The following USH2A variants were observed in gnomAD, a reference collection of about 807,000 sequenced individuals.
USH2A encodes usherin.
USH2A carries 443 observed loss-of-function variants against 538.9 expected under a neutral mutation model. That is an observed-to-expected ratio of 0.82 (90% CI 0.76 to 0.89). The LOEUF is 0.89. USH2A is among the 40% of genes least tolerant of loss of function. The pLI, the probability that USH2A is intolerant of heterozygous loss-of-function variation, is 0.00. For missense variants in USH2A, 6,633 were observed against 6,324.8 expected (o/e 1.05, Z -1.65); for synonymous variants, 2,413 against 2,273.5 (o/e 1.06, Z -1.75).
intron 67 of USH2A, among the ~76,000 whole-genome samples, chr1:215,643,004 T>C (rs1160715140): frequency 6.6e-6 from 1 of 152,186 alleles, no homozygotes; most frequent in Non-Finnish European, 1.5e-5. Context: ...ATTATTATGG[T>C]TACTATTTTG....
intron 21 of USH2A, among the ~76,000 whole-genome samples, chr1:216,122,590 C>G (rs1339700846): frequency 6.6e-6 from 1 of 152,066 alleles, no homozygotes; most frequent in African/African-American, 2.4e-5. Context: ...TCACCAGAAC[C>G]AAGAGAGAAA....
intron 58 of USH2A, among the ~76,000 whole-genome samples, chr1:215,757,865 T>G (rs1660859081): frequency 6.6e-6 from 1 of 152,204 alleles, no homozygotes; most frequent in African/African-American, 2.4e-5. Context: ...AACAACTGTC[T>G]TTCCAAACTC....
intron 46 of USH2A, among the ~76,000 whole-genome samples, 162 bp from the exon 47 acceptor site, chr1:215,838,265 A>T (rs1309491571): frequency 6.6e-6 from 1 of 152,236 alleles, no homozygotes. Context: ...CTGACTCCAA[A>T]GGAATGAGCT....
intron 61 of USH2A, among the ~76,000 whole-genome samples, chr1:215,709,120 A>G (rs1558063740): frequency 6.6e-6 from 1 of 152,174 alleles, no homozygotes; most frequent in Non-Finnish European, 1.5e-5. Flanking sequence ...AGAAGTGTCA[A>G]CAAAATTTTG....
At chr1:215,669,908 T>C (rs1027635601) in intron 64 of USH2A, among the ~76,000 whole-genome samples, 6 of 152,212 alleles carry the variant, frequency 3.9e-5, no homozygotes, top group Non-Finnish European at 8.8e-5. Context: ...TAGTATTTCA[T>C]GTTATAATAA....
intron 37 of USH2A, among the ~76,000 whole-genome samples, chr1:215,945,736 G>A (rs1666744763): frequency 6.6e-6 from 1 of 152,036 alleles, no homozygotes; most frequent in African/African-American, 2.4e-5. Flanking sequence ...AAAATATTCA[G>A]TTCTTTGGGG....
chr1:216,199,592 G>T, intron 17 of USH2A, 35 bp downstream of exon 17: 2 of 1,613,036 alleles, frequency 1.2e-6, no homozygotes, highest in South Asian at 2.2e-5. Context: ...TTCATGTCTT[G>T]ACCAAAAAGG....
chr1:215,624,413 GT>G lies in USH2A; in HGVS notation c.*1367del, dbSNP rs1655922569. 1 of 152,080 alleles carries G rather than the reference GT, an allele frequency of 6.6e-6. No homozygotes were observed. Among genetic ancestry groups the G allele is most frequent in the South Asian group, 2.1e-4 (1 of 4,834 alleles). 9.4% of individuals were successfully genotyped at this position (152,080 alleles called of 1,614,324 possible). A position where few individuals can be genotyped will look rare whatever the true frequency, so the allele number is the denominator to read the frequency against. ...AGTAAGACTATCCCTTACTTTACAAGTTTTTGCCTGTCTCTGGTTGTAGATT... is the reference window on the plus strand; with the variant it reads ...AGTAAGACTATCCCTTACTTTACAAGTTTTGCCTGTCTCTGGTTGTAGATT... On this transcript the variant is annotated 3_prime_UTR_variant, in exon 72 of 72. Coordinates refer to ENST00000307340, the MANE Select transcript of USH2A (RefSeq NM_206933.4).
intron 48 of USH2A, among the ~76,000 whole-genome samples, chr1:215,815,696 C>T (rs1327271089): frequency 2.3e-4 from 35 of 151,958 alleles, no homozygotes; most frequent in Admixed American, 2.3e-3. Context: ...TTTCTTCACC[C>T]TATCTCAGGT....
Position 215,759,770 on chromosome 1 carries a change from CT to C in USH2A, c.11120del (p.Lys3707SerfsTer11). On this transcript the variant is annotated frameshift_variant, in exon 57 of 72. Coordinates refer to ENST00000307340, the MANE Select transcript of USH2A (RefSeq NM_206933.4). LOFTEE classifies it high-confidence loss of function. ...GATATTGAGAAACGAGGCCATTGGGCTTTTCTGGCAGACTCCAATATAATTC... is the reference window on the plus strand; with the variant it reads ...GATATTGAGAAACGAGGCCATTGGGCTTTCTGGCAGACTCCAATATAATTC... The part of the protein sequence containing the change: ...TVELYWSLPE[K>X]PNGLVSQYQL... 6.2e-7 allele frequency: 1 copy of C among 1,614,032 alleles called. No homozygotes were observed. The highest frequency in any genetic ancestry group is 8.5e-7 in the Non-Finnish European group (1 of 1,179,964).
chr1:216,285,912 G>T (rs2036874073), intron 11 of USH2A, among the ~76,000 whole-genome samples: 1 of 152,224 alleles, frequency 6.6e-6, no homozygotes, highest in African/African-American at 2.4e-5. Flanking sequence ...TATTTGGAAT[G>T]TGTGTAGTTA....
intron 3 of USH2A, among the ~76,000 whole-genome samples, chr1:216,410,152 C>T (rs543796564): frequency 4.8e-5 from 7 of 144,642 alleles, no homozygotes; most frequent in Admixed American, 4.0e-4. Context: ...ATGAAAGATA[C>T]CATCTCACAT....
intron 38 of USH2A, among the ~76,000 whole-genome samples, chr1:215,912,400 T>A (rs1665808159): frequency 1.3e-5 from 2 of 150,476 alleles, no homozygotes; most frequent in African/African-American, 4.9e-5. Flanking sequence ...GGGGTCTAAT[T>A]TTATTCTTTA....
chr1:216,280,685 G>T (rs2036757885), intron 11 of USH2A, among the ~76,000 whole-genome samples: 1 of 135,986 alleles, frequency 7.4e-6, no homozygotes, highest in Admixed American at 7.8e-5. Flanking sequence ...CAAGATTTTG[G>T]CATTCACATA....
chr1:216,078,505 A>G, intron 26 of USH2A, 143 bp from the exon 27 acceptor site: 1 of 758,488 alleles, frequency 1.3e-6, no homozygotes. Flanking sequence ...CTCTACCCTA[A>G]GTTTCTGCTT....
rs892134335 is a variant in USH2A, at chr1:216,338,098, T to C, written c.785-10444A>G. 2.3e-4 allele frequency among the ~76,000 whole-genome samples: 35 copies of C among 151,602 alleles called. 1 individual carries two copies. The highest frequency in any genetic ancestry group is 1.2e-3 in the South Asian group (6 of 4,830). ...AATATAAATTATCCCTAAGCTGTTG[T>C]ATAAATTTAATTCAATTCCAATAAA... On this transcript the variant is annotated intron_variant, in intron 4 of 71. Coordinates refer to ENST00000307340, the MANE Select transcript of USH2A (RefSeq NM_206933.4).
intron 4 of USH2A, among the ~76,000 whole-genome samples, chr1:216,357,910 T>C (rs976742751): frequency 6.6e-6 from 1 of 152,142 alleles, no homozygotes; most frequent in Admixed American, 6.6e-5. Flanking sequence ...AAAATAAATC[T>C]ACAACTAAAA....
At chr1:215,831,901 T>C (rs970295562) in intron 47 of USH2A, among the ~76,000 whole-genome samples, 2 of 151,886 alleles carry the variant, frequency 1.3e-5, no homozygotes, top group Non-Finnish European at 2.9e-5. Flanking sequence ...ATCTACAAAA[T>C]TGATAAAACT....
chr1:216,008,528 T>C (rs887667387), intron 32 of USH2A, among the ~76,000 whole-genome samples: 1 of 152,180 alleles, frequency 6.6e-6, no homozygotes, highest in African/African-American at 2.4e-5. Flanking sequence ...GCCTGTTTGG[T>C]GGTCTCTTCA....
Sources: allele counts gnomAD v4.1 joint callset (sites outside exome capture counted in the v4.1 genomes callset), GRCh38; gene constraint gnomAD v4.1.1; transcripts MANE v1.5; gene names NCBI Gene and HGNC (gene_info 2026-07-23, HGNC 2026-07-21).